Variants in SLC1A4 observed in about 807,000 individuals in gnomAD.
The protein encoded by SLC1A4 is neutral amino acid transporter A.
A neutral mutation model predicts 37.7 loss-of-function variants in SLC1A4; 19 were observed. The observed-to-expected ratio is 0.50, with a 90% CI of 0.35 to 0.74. The LOEUF (loss-of-function observed/expected upper bound fraction) is 0.74, where lower values mean the gene tolerates loss of function less well. Ranked by LOEUF, SLC1A4 falls within the 30% of genes least tolerant of loss-of-function variation. SLC1A4 has a pLI of 0.01. For missense variants in SLC1A4, 570 were observed against 712.9 expected (o/e 0.80, Z 2.28); for synonymous variants, 299 against 309.8 (o/e 0.97, Z 0.37).
chr2:64,999,758 G>A (rs1412601366), intron 1 of SLC1A4: 2 of 151,808 alleles, frequency 1.3e-5, no homozygotes, highest in South Asian at 2.1e-4. Context: ...TTCTAGTCTC[G>A]TGGGCCTTTC....
intron 1 of SLC1A4, among the ~76,000 whole-genome samples, chr2:64,998,148 A>G (rs1297847529): frequency 6.6e-6 from 1 of 152,188 alleles, no homozygotes; most frequent in Non-Finnish European, 1.5e-5. Flanking sequence ...GAGGCAGGAC[A>G]ATGGTGTGAA....
chr2:65,005,053 A>G (rs1422034807), intron 3 of SLC1A4, among the ~76,000 whole-genome samples: 2 of 152,378 alleles, frequency 1.3e-5, no homozygotes, highest in Non-Finnish European at 2.9e-5. Flanking sequence ...TTCAGTTTAC[A>G]TCCACTTGAT....
chr2:65,017,153 T>C (rs1674174360), intron 5 of SLC1A4, among the ~76,000 whole-genome samples: 1 of 152,190 alleles, frequency 6.6e-6, no homozygotes, highest in Non-Finnish European at 1.5e-5. Context: ...GCAGCCCACC[T>C]AACTCAAAAA....
chr2:64,994,657 G>C (rs960606280), intron 1 of SLC1A4: 1 of 151,654 alleles, frequency 6.6e-6, no homozygotes, highest in African/African-American at 2.4e-5. Context: ...GAATATGTAT[G>C]ATGCTTCTCA....
At chr2:64,994,870 AT>A (rs990725914) in intron 1 of SLC1A4, 1 of 152,222 alleles carries the variant, frequency 6.6e-6, no homozygotes, top group African/African-American at 2.4e-5. Context: ...TTAAATTAAA[AT>A]AAATAGTAAT....
At chr2:65,005,811 G>C (rs1216633492) in intron 3 of SLC1A4, among the ~76,000 whole-genome samples, 1 of 151,820 alleles carries the variant, frequency 6.6e-6, no homozygotes, top group Non-Finnish European at 1.5e-5. Flanking sequence ...CTGGGCAACA[G>C]AGCAAGACCC....
At position 65,018,166 on chromosome 2, in the gene SLC1A4, T is replaced by C. The variant is rs1203235755; in HGVS notation, c.1130T>C (p.Val377Ala). 6.2e-7 allele frequency: 1 copy of C among 1,614,176 alleles called. No homozygotes were observed. Among genetic ancestry groups the C allele is most frequent in the Admixed American group, 1.7e-5 (1 of 60,022 alleles). ...SRFILPIGAT[V>A]NMDGAAIFQC... ...TTTATTCTCCCCATCGGGGCCACCG[T>C]GAACATGGACGGAGCAGCCATCTTC... is the stretch of plus-strand genomic sequence containing the variant. Residue 377 changes from valine to alanine, a missense_variant, in exon 6 of 8, where the codon GTG becomes GCG. Transcript: ENST00000234256. This position sits in a 1 kb window ranked among gnomAD's most constrained non-coding sequence, Gnocchi z 4.3.
intron 3 of SLC1A4, among the ~76,000 whole-genome samples, chr2:65,004,651 C>A (rs1673608135): frequency 6.6e-6 from 1 of 151,816 alleles, no homozygotes; most frequent in South Asian, 2.1e-4. Context: ...ATTTAAACTA[C>A]CCCTATACCT....
In SLC1A4 at chr2:65,018,077, G is replaced by A. The variant is rs115498588; in HGVS notation, c.1041G>A (p.Ala347=). 101 of 1,612,136 alleles carry A rather than the reference G, an allele frequency of 6.3e-5. No homozygotes were observed. The African/African-American group carries it at 7.5e-4, about 12-fold the overall frequency. ...TTGTTTTTCCCATTTCTAGCTCAGC[G>A]ACCCTTCCCTCTATGATGAAGTGCA... ...ATAFATCSSS[A]TLPSMMKCIE... The change falls in exon 6 of 8, where the codon GCG becomes GCA. Residue 347 remains alanine (A), a synonymous_variant. Transcript: ENST00000234256. The surrounding 1 kb of genome is among the most constrained non-coding windows in gnomAD (Gnocchi z 4.3).
At chr2:64,998,739 A>C (rs1337720745) in intron 1 of SLC1A4, among the ~76,000 whole-genome samples, 1 of 152,190 alleles carries the variant, frequency 6.6e-6, no homozygotes, top group African/African-American at 2.4e-5. Flanking sequence ...AGATAGACAG[A>C]ATTAAACAAA....
At position 65,016,598 on chromosome 2, in the gene SLC1A4, T is replaced by C. The variant is rs1382769796; in HGVS notation, c.959T>C (p.Phe320Ser). 2 of 1,614,166 alleles carry C rather than the reference T, an allele frequency of 1.2e-6. No homozygotes were observed. Among genetic ancestry groups the C allele is most frequent in the East Asian group, 2.2e-5 (1 of 44,876 alleles). ...GTTCTGCCACTTATTTATTTTGTTT[T>C]CACACGAAAAAACCCATTCAGATTC... is the stretch of plus-strand genomic sequence containing the variant. ...GIVLPLIYFV[F>S]TRKNPFRFLL... Residue 320 changes from phenylalanine (F) to serine (S), a missense_variant, in exon 5 of 8, where the codon TTC (phenylalanine) becomes TCC (serine). Transcript: ENST00000234256.
intron 3 of SLC1A4, among the ~76,000 whole-genome samples, chr2:65,006,591 C>T (rs1481164426): frequency 6.6e-6 from 1 of 152,114 alleles, no homozygotes; most frequent in Non-Finnish European, 1.5e-5. Context: ...TGTGTAAAGG[C>T]ATAGCAGGTG....
rs1161493991 is a variant in SLC1A4 at position 65,018,345 on chromosome 2, C to A, written c.1229+80C>A. On this transcript the variant is annotated intron_variant, in intron 6 of 7. Transcript: ENST00000234256. This position sits in a 1 kb window ranked among gnomAD's most constrained non-coding sequence, Gnocchi z 4.3. ...CTTTGAAAAACCAATCTCACCACAA[C>A]TTGGTGTCTCGCTCATAAAATGAGG... 2.9e-5 allele frequency: 42 copies of A among 1,466,372 alleles called. No homozygotes were observed. Among genetic ancestry groups the A allele is most frequent in the Non-Finnish European group, 3.5e-5 (37 of 1,068,380 alleles). The allele number at this position is 1,466,372 out of a possible 1,614,324, so 90.8% of individuals were successfully genotyped here. A position where few individuals can be genotyped will look rare whatever the true frequency, so the allele number is the denominator to read the frequency against.
chr2:64,988,879 C>CG (rs11390852), upstream of SLC1A4, among the ~76,000 whole-genome samples: 151,980 of 151,988 alleles, frequency 1, 75,986 homozygotes, highest in Middle Eastern at 1. Flanking sequence ...GCGGGCCGCG[C>CG]GGGGCGAAAG....
chr2:65,001,352 C>T, intron 1 of SLC1A4, 96 bp from the exon 2 acceptor site: 5 of 1,092,428 alleles, frequency 4.6e-6, no homozygotes, highest in Non-Finnish European at 5.5e-6. Context: ...CAGTGAGCTG[C>T]AATCACACCA....
chr2:65,000,116 T>G (rs1673404324), intron 1 of SLC1A4: 1 of 152,216 alleles, frequency 6.6e-6, no homozygotes, highest in African/African-American at 2.4e-5. Context: ...TGACACAAAT[T>G]GTTAAGAATG....
chr2:65,000,303 T>C (rs546540801), intron 1 of SLC1A4: 1 of 152,224 alleles, frequency 6.6e-6, no homozygotes, highest in Non-Finnish European at 1.5e-5. Flanking sequence ...CCTACTTTTA[T>C]AACAAATGTT....
In SLC1A4 at chr2:65,018,397, C is replaced by T. The variant is rs564399774; in HGVS notation, c.1229+132C>T. On this transcript the variant is annotated intron_variant, in intron 6 of 7. Coordinates refer to ENST00000234256, the MANE Select transcript of SLC1A4 (RefSeq NM_003038.5). The surrounding 1 kb of genome is among the most constrained non-coding windows in gnomAD (Gnocchi z 4.3). ...CAGTGGGGATTCATTACTTGAAGAG[C>T]GTGTGTTGACTCTCAAGGGCGTAGC... The T allele has an allele frequency of 1.9e-5, 26 of 1,363,966 alleles. No individual in the cohort carries two copies. The highest frequency in any genetic ancestry group is 6.5e-5 in the Admixed American group (3 of 45,880). The allele number at this position is 1,363,966 out of a possible 1,614,324, so 84.5% of individuals were successfully genotyped here.
At position 65,018,774 on chromosome 2, in the gene SLC1A4, G is replaced by C; in HGVS notation, c.1364+95G>C. On this transcript the variant is annotated intron_variant, in intron 7 of 7. Transcript: ENST00000234256. The surrounding 1 kb of genome is among the most constrained non-coding windows in gnomAD (Gnocchi z 4.3). The stretch of plus-strand genomic sequence containing the variant: ...GCCTGGGCCATGCAGAGAAACTTCA[G>C]ACACACTCCAGCCTTGTGAAGGAGG... 1 of 1,432,698 alleles carries C rather than the reference G, an allele frequency of 7.0e-7. No individual in the cohort carries two copies. The highest frequency in any genetic ancestry group is 9.6e-7 in the Non-Finnish European group (1 of 1,042,738). 88.7% of individuals were successfully genotyped at this position (1,432,698 alleles called of 1,614,324 possible).
Sources: allele counts gnomAD v4.1 joint callset (sites outside exome capture counted in the v4.1 genomes callset), GRCh38; gene constraint gnomAD v4.1.1; non-coding constraint Gnocchi (gnomAD v3.1); transcripts MANE v1.5; gene names NCBI Gene and HGNC (gene_info 2026-07-23, HGNC 2026-07-21).